The following ARHGAP30 variants were observed in gnomAD, a reference collection of about 807,000 sequenced individuals.
ARHGAP30 encodes the protein Rho GTPase activating protein 30.
A neutral mutation model predicts 72.0 loss-of-function variants in ARHGAP30; 23 were observed. The ratio of observed to expected loss-of-function variants is 0.32; its 90% CI spans 0.23 to 0.45. ARHGAP30 has a LOEUF of 0.45. Ranked by LOEUF, ARHGAP30 falls within the 20% of genes least tolerant of loss-of-function variation. ARHGAP30 has a pLI of 1.00. For missense variants in ARHGAP30, 1,319 were observed against 1,383.4 expected, an observed-to-expected ratio of 0.95 and a Z score of 0.74; for synonymous variants, 576 against 528.2, an observed-to-expected ratio of 1.09 and a Z score of -1.24.
At chr1:161,052,244 T>C (rs1389961764) in intron 9 of ARHGAP30, 42 bp downstream of exon 9, 6 of 1,606,220 alleles carry the variant, frequency 3.7e-6, no homozygotes, top group South Asian at 2.2e-5. Context: ...GCTGGTCACA[T>C]AGCACACACA....
Position 161,048,637 on chromosome 1 carries a change from C to A in ARHGAP30, c.2384G>T (p.Arg795Ile), listed in dbSNP as rs1157419067. 1 of 1,614,120 alleles carries A rather than the reference C, an allele frequency of 6.2e-7. No homozygotes were observed. Among genetic ancestry groups the A allele is most frequent in the Admixed American group, 1.7e-5 (1 of 60,006 alleles). Residue 795 changes from arginine (R) to isoleucine (I), a missense_variant, in exon 12 of 12, where the codon AGA becomes ATA. Coordinates refer to ENST00000368013, the MANE Select transcript of ARHGAP30 (RefSeq NM_001025598.2). ...CCTCTGTCCTTTGTCCTCATCCTCT[C>A]TGACTCCCTCAGCCTCTTGTTTCTG... ...VVQKQEAEGVREDEDKGQREK... is the reference protein window; with the variant it reads ...VVQKQEAEGVIEDEDKGQREK...
At chr1:161,063,893 G>C (rs1457720451) in intron 1 of ARHGAP30, among the ~76,000 whole-genome samples, 1 of 152,152 alleles carries the variant, frequency 6.6e-6, no homozygotes, top group Non-Finnish European at 1.5e-5. Context: ...AGGCTTATTA[G>C]GAAGAGGAAA....
intron 2 of ARHGAP30, among the ~76,000 whole-genome samples, chr1:161,057,012 T>C (rs910478823): frequency 1.3e-5 from 2 of 152,146 alleles, no homozygotes; most frequent in African/African-American, 4.8e-5. Context: ...TTAAAAACAT[T>C]TGTAGCCAAA....
intron 6 of ARHGAP30, 133 bp from the exon 7 acceptor site, chr1:161,052,930 A>G (rs1296438815): frequency 1.9e-5 from 22 of 1,140,990 alleles, no homozygotes; most frequent in Non-Finnish European, 2.3e-5. Flanking sequence ...CAGTGCCTCC[A>G]TGTCCATCAC....
chr1:161,066,158 C>A (rs1158694429), intron 1 of ARHGAP30, among the ~76,000 whole-genome samples: 1 of 151,416 alleles, frequency 6.6e-6, no homozygotes, highest in East Asian at 2.0e-4. Context: ...AGCCACCATG[C>A]TCAGCCAACC....
At chr1:161,067,000 A>G (rs534468126) in intron 1 of ARHGAP30, among the ~76,000 whole-genome samples, 16 of 152,268 alleles carry the variant, frequency 1.1e-4, no homozygotes, top group Middle Eastern at 3.4e-3. Context: ...TCTCTATCCT[A>G]TCCTTCTCTG....
At chr1:161,060,724 C>A (rs1480268519) in intron 1 of ARHGAP30, among the ~76,000 whole-genome samples, 10 of 108,190 alleles carry the variant, frequency 9.2e-5, no homozygotes, top group South Asian at 3.1e-4. Flanking sequence ...TTTTTTGAGA[C>A]GGAGTCTCAC....
chr1:161,054,326 TCTCACAGGATC>T, intron 5 of ARHGAP30, 29 bp downstream of exon 5: 3 of 1,575,220 alleles, frequency 1.9e-6, no homozygotes, highest in Non-Finnish European at 1.7e-6. Context: ...AAGGCCAGTG[TCTCACAGGATC>T]CCCATACACT....
intron 4 of ARHGAP30, 32 bp downstream of exon 4, chr1:161,054,591 A>T: frequency 6.2e-7 from 1 of 1,610,892 alleles, no homozygotes; most frequent in Non-Finnish European, 8.5e-7. Flanking sequence ...GAGTTGTCTC[A>T]GGTTGCTGGG....
At chr1:161,049,712 A>G (rs1192893001) in intron 10 of ARHGAP30, 23 bp from the exon 11 acceptor site, 13 of 1,605,600 alleles carry the variant, frequency 8.1e-6, no homozygotes, top group Non-Finnish European at 1.0e-5. Context: ...AAGTAGTCCC[A>G]GGAATACAAA....
intron 3 of ARHGAP30, 53 bp downstream of exon 3, chr1:161,056,335 C>T (rs1571096956): frequency 1.1e-5 from 17 of 1,588,074 alleles, no homozygotes; most frequent in Non-Finnish European, 1.4e-5. Flanking sequence ...GATGTCAAAA[C>T]CAGGCTGTCC....
chr1:161,055,832 TAAAATAAAATA>T (rs764985047), intron 3 of ARHGAP30, among the ~76,000 whole-genome samples: 68,805 of 116,788 alleles, frequency 0.59, 19,308 homozygotes, highest in Non-Finnish European at 0.66. Context: ...TAAAATAAAA[TAAAATAAAATA>T]AATAAAATAA....
intron 2 of ARHGAP30, among the ~76,000 whole-genome samples, chr1:161,058,821 A>G (rs1652096090): frequency 6.8e-6 from 1 of 146,426 alleles, no homozygotes; most frequent in Non-Finnish European, 1.5e-5. Flanking sequence ...AGATTGCGCC[A>G]CTGCACTCCA....
chr1:161,059,484 C>A (rs1571106427), intron 2 of ARHGAP30, 130 bp downstream of exon 2: 2 of 728,850 alleles, frequency 2.7e-6, no homozygotes, highest in Admixed American at 5.9e-5. Flanking sequence ...TAGGACCTTA[C>A]CTAGTATCTG....
At position 161,049,657 on chromosome 1, in the gene ARHGAP30, G is replaced by A. The variant is rs371644392; in HGVS notation, c.1453C>T (p.Pro485Ser). The A allele has an allele frequency of 1.1e-5, 18 of 1,613,802 alleles. No individual in the cohort carries two copies. In the South Asian group the frequency reaches 1.4e-4, roughly 13 times the overall value. Reference protein sequence around the residue: ...EKLEASPASSPLADSGPDDLA... With the variant: ...EKLEASPASSSLADSGPDDLA... ...TCGTCTGGGCCTGAGTCTGCCAGGG[G>A]ACTTGAGGCTGGACTTGCTTCCAAC... Residue 485 changes from proline (P) to serine (S), a missense_variant, in exon 11 of 12, where the codon CCC becomes TCC. By Grantham distance (74) the Pro-to-Ser change is moderately conservative. Transcript: ENST00000368013.
rs1332979566 is a variant in ARHGAP30, at chr1:161,048,786, C to G, written c.2235G>C (p.Glu745Asp). The G allele has an allele frequency of 1.2e-6, 2 of 1,613,962 alleles. No homozygotes were observed. Residue 745 changes from glutamate to aspartate, a missense_variant, in exon 12 of 12, where the codon GAG becomes GAC. By Grantham distance (45) the Glu-to-Asp change is conservative (BLOSUM62 2). Around this residue, in one of 2 missense-constraint regions of ARHGAP30, gnomAD observed 1,097 missense variants for 1,045.2 expected, o/e 1.05. Transcript: ENST00000368013. ...CTTCTCTCTCAATTTCTTTTTCCTT[C>G]TCATCTGTATACTCATCTCCTCCTG... is the stretch of plus-strand genomic sequence containing the variant. ...EEPGGDEYTD[E>D]KEKEIEREED...
In ARHGAP30 at chr1:161,051,319, GGGCCAGGGCCAA is replaced by G. The variant is rs747690842; in HGVS notation, c.1403_1414del (p.Leu468_Gly471del). 3.5e-4 allele frequency: 556 copies of G among 1,596,198 alleles called. No homozygotes were observed. Among genetic ancestry groups the G allele is most frequent in the Non-Finnish European group, 4.2e-4 (488 of 1,171,084 alleles). On this transcript the variant is annotated inframe_deletion, in exon 10 of 12. Coordinates refer to ENST00000368013, the MANE Select transcript of ARHGAP30 (RefSeq NM_001025598.2). The stretch of plus-strand genomic sequence containing the variant: ...GTCAATCAATGGGTCCTCACCTGGG[GGGCCAGGGCCAA>G]GGCCAGGGCCAGGGCCAGGGCCAGA...
At chr1:161,068,415 G>A (rs1187045726) in intron 1 of ARHGAP30, among the ~76,000 whole-genome samples, 1 of 152,144 alleles carries the variant, frequency 6.6e-6, no homozygotes. Context: ...TCTCACTGGA[G>A]GAGAAAAGGG....
chr1:161,062,113 C>A (rs560331806), intron 1 of ARHGAP30, among the ~76,000 whole-genome samples: 5 of 151,950 alleles, frequency 3.3e-5, no homozygotes, highest in Admixed American at 6.6e-5. Flanking sequence ...CAAAAAAAAA[C>A]CATGTATTGA....
Sources: allele counts gnomAD v4.1 joint callset (sites outside exome capture counted in the v4.1 genomes callset), GRCh38; gene constraint gnomAD v4.1.1; regional missense constraint gnomAD v4.1.1; transcripts MANE v1.5; gene names NCBI Gene and HGNC (gene_info 2026-07-23, HGNC 2026-07-21).